NDUFAF5: variants seen among roughly 807,000 people sequenced by gnomAD.
NDUFAF5 encodes arginine-hydroxylase NDUFAF5, mitochondrial.
NDUFAF5 carries 34 observed loss-of-function variants against 48.9 expected under a neutral mutation model. The ratio of observed to expected loss-of-function variants is 0.70; its 90% CI spans 0.53 to 0.93. The LOEUF is 0.93. Among genes scored for constraint, NDUFAF5 ranks in the 40% least tolerant of loss-of-function variants. NDUFAF5 has a pLI of 0.00. For synonymous variants in NDUFAF5, 153 were observed against 150.6 expected, an observed-to-expected ratio of 1.02 and a Z score of -0.12; for missense variants, 428 against 427.5, an observed-to-expected ratio of 1.00 and a Z score of -0.01.
chr20:13,804,481 T>G (rs1192384963), intron 7 of NDUFAF5, among the ~76,000 whole-genome samples: 1 of 152,172 alleles, frequency 6.6e-6, no homozygotes, highest in Non-Finnish European at 1.5e-5. Context: ...TTCACACATT[T>G]CTGAAACTTT....
chr20:13,793,767 G>A (rs569584811), intron 4 of NDUFAF5, among the ~76,000 whole-genome samples: 1 of 152,264 alleles, frequency 6.6e-6, no homozygotes, highest in South Asian at 2.1e-4. Flanking sequence ...CGGAATTTAT[G>A]GATTCATTTT....
chr20:13,785,421 C>G (rs1230129050), intron 1 of NDUFAF5, 131 bp downstream of exon 1: 5 of 725,740 alleles, frequency 6.9e-6, no homozygotes, highest in Non-Finnish European at 1.1e-5. Flanking sequence ...CTGCCTCTTT[C>G]GGCCTCTACT....
At chr20:13,805,070 A>T (rs797015041) in intron 7 of NDUFAF5, among the ~76,000 whole-genome samples, 1 of 152,190 alleles carries the variant, frequency 6.6e-6, no homozygotes, top group Admixed American at 6.5e-5. Flanking sequence ...ATCGTCTCCT[A>T]TATTGCTGTG....
chr20:13,812,197 T>G (rs946092191), intron 8 of NDUFAF5, among the ~76,000 whole-genome samples: 1 of 152,194 alleles, frequency 6.6e-6, no homozygotes, highest in Non-Finnish European at 1.5e-5. Flanking sequence ...TCGTGCAGCC[T>G]CCTCTGAGTG....
intron 7 of NDUFAF5, among the ~76,000 whole-genome samples, chr20:13,805,105 A>C (rs1984804592): frequency 6.6e-6 from 1 of 152,152 alleles, no homozygotes; most frequent in South Asian, 2.1e-4. Context: ...TTGAGATGAA[A>C]AAAGAATCTC....
chr20:13,807,372 C>G (rs1439407774), intron 7 of NDUFAF5, among the ~76,000 whole-genome samples: 6 of 152,106 alleles, frequency 3.9e-5, no homozygotes, highest in Admixed American at 6.5e-5. Context: ...AAACCCTGGT[C>G]CCTTTCCCCA....
In NDUFAF5 at chr20:13,801,696, T is replaced by A. The variant is rs1329367612; in HGVS notation, c.717+13T>A. The A allele has an allele frequency of 6.2e-7, 1 of 1,607,684 alleles. No homozygotes were observed. Among genetic ancestry groups the A allele is most frequent in the Non-Finnish European group, 8.5e-7 (1 of 1,174,168 alleles). Reference sequence around the variant, plus strand: ...TACTCTGACTGTGGTAACTATCAAGTTCGATTAACCCATAACTTACACAGT... The same window carrying A: ...TACTCTGACTGTGGTAACTATCAAGATCGATTAACCCATAACTTACACAGT... On this transcript the variant is annotated intron_variant, in intron 7 of 10. Transcript: ENST00000378106.
chr20:13,806,820 GTA>G (rs1985078274), intron 7 of NDUFAF5, among the ~76,000 whole-genome samples: 1 of 152,154 alleles, frequency 6.6e-6, no homozygotes, highest in African/African-American at 2.4e-5. Context: ...CCTGATACAC[GTA>G]TATGTTTTTT....
intron 3 of NDUFAF5, among the ~76,000 whole-genome samples, chr20:13,789,755 C>T (rs1380726971): frequency 6.6e-6 from 1 of 152,196 alleles, no homozygotes; most frequent in Non-Finnish European, 1.5e-5. Context: ...GGATTACAGG[C>T]GTGAGCCACC....
At chr20:13,811,846 G>A (rs1985911094) in intron 8 of NDUFAF5, among the ~76,000 whole-genome samples, 1 of 152,110 alleles carries the variant, frequency 6.6e-6, no homozygotes, top group South Asian at 2.1e-4. Context: ...CGATGAATGG[G>A]GGAAGCAAGA....
intron 7 of NDUFAF5, among the ~76,000 whole-genome samples, chr20:13,808,633 G>A (rs1287654237): frequency 6.6e-6 from 1 of 152,116 alleles, no homozygotes; most frequent in Admixed American, 6.5e-5. Flanking sequence ...GGAGTTTTAG[G>A]ATGATTTCTC....
chr20:13,809,671 G>T (rs1985580199), intron 8 of NDUFAF5, among the ~76,000 whole-genome samples: 3 of 152,210 alleles, frequency 2.0e-5, no homozygotes, highest in Non-Finnish European at 2.9e-5. Context: ...TCTTAGAGAG[G>T]TAACAGTATC....
intron 8 of NDUFAF5, 148 bp downstream of exon 8, chr20:13,809,050 AAGC>A: frequency 1.5e-6 from 1 of 656,772 alleles, no homozygotes. Context: ...GTTGAGGAGA[AAGC>A]AGACTGTCTT....
At chr20:13,813,156 G>A (rs1363425420) in intron 8 of NDUFAF5, among the ~76,000 whole-genome samples, 1 of 152,058 alleles carries the variant, frequency 6.6e-6, no homozygotes, top group African/African-American at 2.4e-5. Context: ...CACCATGTTG[G>A]CCAGGCTGGT....
intron 7 of NDUFAF5, 117 bp downstream of exon 7, chr20:13,801,800 T>C (rs1277256470): frequency 2.4e-6 from 2 of 832,970 alleles, no homozygotes; most frequent in East Asian, 5.2e-5. Context: ...TCTCTCCCTT[T>C]TTTTTTCTCT....
intron 4 of NDUFAF5, among the ~76,000 whole-genome samples, chr20:13,793,970 T>C (rs1982759564): frequency 6.6e-6 from 1 of 152,260 alleles, no homozygotes; most frequent in African/African-American, 2.4e-5. Flanking sequence ...TTTTGTGATA[T>C]GCCTGCACCT....
rs78828273 is a variant in NDUFAF5, at chr20:13,810,348, G to T, written c.778+1446G>T. On this transcript the variant is annotated intron_variant, in intron 8 of 10. Transcript: ENST00000378106. ...TGTTTCAAAACAAAGGGAGCACTTAGCAGCGTTAAAAGCAAACTATGAACT... is the reference window on the plus strand; with the variant it reads ...TGTTTCAAAACAAAGGGAGCACTTATCAGCGTTAAAAGCAAACTATGAACT... Among the ~76,000 whole-genome samples the T allele has an allele frequency of 8.0e-4, 122 of 152,340 alleles. 1 individual carries two copies. The East Asian group carries it at 0.022, about 28-fold the overall frequency.
intron 4 of NDUFAF5, among the ~76,000 whole-genome samples, chr20:13,794,232 A>G (rs1203298513): frequency 1.3e-5 from 2 of 151,078 alleles, no homozygotes; most frequent in Non-Finnish European, 2.9e-5. Context: ...CAGTCCACCC[A>G]TATTTTCATC....
chr20:13,792,802 GTCTT>G (rs1982511902), intron 3 of NDUFAF5, among the ~76,000 whole-genome samples: 1 of 152,162 alleles, frequency 6.6e-6, no homozygotes, highest in Non-Finnish European at 1.5e-5. Context: ...CTACCTGTAA[GTCTT>G]TCTTTACTCT....
Sources: gnomAD v4.1 joint callset for allele counts (sites outside exome capture counted in the v4.1 genomes callset) on GRCh38, gnomAD v4.1.1 for gene constraint, MANE v1.5 for transcripts, NCBI Gene and HGNC (gene_info 2026-07-23, HGNC 2026-07-21) for gene names.